Variants in SORCS1 observed in about 807,000 individuals in gnomAD.
The protein encoded by SORCS1 is sortilin related VPS10 domain containing receptor 1.
In SORCS1, 60 loss-of-function variants were observed where a neutral mutation model predicts 146.1. The ratio of observed to expected loss-of-function variants is 0.41; its 90% CI spans 0.33 to 0.51. SORCS1 has a LOEUF of 0.51. Among genes scored for constraint, SORCS1 ranks in the 20% least tolerant of loss-of-function variants. SORCS1 has a pLI of 0.21. For synonymous variants in SORCS1, 637 were observed against 584.0 expected, an observed-to-expected ratio of 1.09 and a Z score of -1.31; for missense variants, 1,352 against 1,487.6, an observed-to-expected ratio of 0.91 and a Z score of 1.50.
chr10:107,080,543 G>A (rs117783145), intron 1 of SORCS1, among the ~76,000 whole-genome samples: 1 of 152,250 alleles, frequency 6.6e-6, no homozygotes, highest in East Asian at 1.9e-4. Context: ...TTATTGATAA[G>A]CTTTTCCACT....
At chr10:107,006,993 A>G (rs912372879) in intron 1 of SORCS1, among the ~76,000 whole-genome samples, 43 of 152,236 alleles carry the variant, frequency 2.8e-4, no homozygotes, top group African/African-American at 8.2e-4. Context: ...AATTTTTTCT[A>G]GGTTAAGTCA....
At chr10:106,986,282 TATAC>T (rs1476199184) in intron 1 of SORCS1, among the ~76,000 whole-genome samples, 1 of 152,066 alleles carries the variant, frequency 6.6e-6, no homozygotes, top group Non-Finnish European at 1.5e-5. Flanking sequence ...AGCAAATATA[TATAC>T]AAACACACGT....
At position 107,084,184 on chromosome 10, in the gene SORCS1, C is replaced by T. The variant is rs1156971891; in HGVS notation, c.558+79785G>A. On this transcript the variant is annotated intron_variant, in intron 1 of 25. Transcript: ENST00000263054. ...GATCTCGGCTCACTGCAAGCTCTGC[C>T]TCCTGGGTTCACGCCACTCTCCTGC... 1.2e-4 allele frequency among the ~76,000 whole-genome samples: 17 copies of T among 146,240 alleles called. No homozygotes were observed. In the South Asian group the frequency reaches 1.8e-3, roughly 15 times the overall value.
At chr10:106,732,342 A>C (rs3844061) in intron 5 of SORCS1, among the ~76,000 whole-genome samples, 68,288 of 151,922 alleles carry the variant, frequency 0.45, 15,514 homozygotes, top group African/African-American at 0.52. Context: ...ATTTCAGTTA[A>C]GTACTGCAGC....
At chr10:106,962,421 A>T (rs1328584352) in intron 1 of SORCS1, among the ~76,000 whole-genome samples, 1 of 149,704 alleles carries the variant, frequency 6.7e-6, no homozygotes, top group African/African-American at 2.5e-5. Flanking sequence ...AAAAAGAAAG[A>T]AAAGAAAAGA....
intron 1 of SORCS1, among the ~76,000 whole-genome samples, chr10:107,085,840 G>A (rs953330621): frequency 2.0e-5 from 3 of 152,142 alleles, no homozygotes; most frequent in Admixed American, 6.5e-5. Context: ...GTATTACGCC[G>A]AGGCAACTGC....
the SORCS1 span, among the ~76,000 whole-genome samples, chr10:107,177,398 T>A: frequency 4.6e-5 from 7 of 152,204 alleles, no homozygotes; most frequent in Non-Finnish European, 8.8e-5. Flanking sequence ...AATCAGGATA[T>A]TGATATTATG....
intron 6 of SORCS1, among the ~76,000 whole-genome samples, chr10:106,718,935 ACAGAGTGCTGATTG>A: frequency 6.6e-6 from 1 of 152,316 alleles, no homozygotes; most frequent in African/African-American, 2.4e-5. Flanking sequence ...GTGCGTTTTT[ACAGAGTGCTGATTG>A]GTGCGTTTAC....
At chr10:107,160,476 T>C (rs867845119) in intron 1 of SORCS1, among the ~76,000 whole-genome samples, 4 of 152,220 alleles carry the variant, frequency 2.6e-5, no homozygotes, top group Non-Finnish European at 5.9e-5. Flanking sequence ...TTGGCCCAGA[T>C]TGGGACTCAA....
At chr10:107,013,048 G>A (rs905217098) in intron 1 of SORCS1, among the ~76,000 whole-genome samples, 15 of 152,094 alleles carry the variant, frequency 9.9e-5, no homozygotes, top group Non-Finnish European at 1.5e-4. Context: ...GTTCCTTAAG[G>A]TCGAGGAAAC....
chr10:107,007,955 C>G (rs1957526481), intron 1 of SORCS1, among the ~76,000 whole-genome samples: 1 of 152,126 alleles, frequency 6.6e-6, no homozygotes, highest in South Asian at 2.1e-4. Flanking sequence ...ATCTAAATTT[C>G]AGCTCCTCCC....
At chr10:107,057,995 G>C (rs1387086537) in intron 1 of SORCS1, among the ~76,000 whole-genome samples, 1 of 152,010 alleles carries the variant, frequency 6.6e-6, no homozygotes, top group Non-Finnish European at 1.5e-5. Context: ...TACTGGCCTT[G>C]TTTTAAAGAT....
At chr10:107,001,966 C>G (rs1957241264) in intron 1 of SORCS1, among the ~76,000 whole-genome samples, 1 of 152,072 alleles carries the variant, frequency 6.6e-6, no homozygotes, top group Non-Finnish European at 1.5e-5. Context: ...TTTTCCTTTC[C>G]TTTGGGTTCT....
intron 5 of SORCS1, among the ~76,000 whole-genome samples, chr10:106,740,974 G>A (rs9325521): frequency 0.22 from 32,960 of 152,160 alleles, 4,436 homozygotes; most frequent in East Asian, 0.47. Flanking sequence ...TAATAGTACC[G>A]AATAATACGA....
intron 1 of SORCS1, among the ~76,000 whole-genome samples, chr10:106,957,204 G>C (rs1410580830): frequency 7.1e-6 from 1 of 140,616 alleles, no homozygotes; most frequent in South Asian, 2.3e-4. Context: ...AGTTTCGCTC[G>C]CTCGTGTTGC....
intron 1 of SORCS1, among the ~76,000 whole-genome samples, chr10:107,090,951 C>A (rs938865294): frequency 6.6e-6 from 1 of 152,034 alleles, no homozygotes; most frequent in Non-Finnish European, 1.5e-5. Context: ...CACGTACACA[C>A]ACAATTGGTG....
chr10:107,163,349 C>A (rs1399447849), intron 1 of SORCS1, among the ~76,000 whole-genome samples: 1 of 152,172 alleles, frequency 6.6e-6, no homozygotes, highest in Non-Finnish European at 1.5e-5. Context: ...TCTCAAAACA[C>A]CCTCGCTTAG....
intron 1 of SORCS1, among the ~76,000 whole-genome samples, chr10:107,014,695 C>G (rs1434786586): frequency 6.6e-6 from 1 of 152,178 alleles, no homozygotes; most frequent in Non-Finnish European, 1.5e-5. Flanking sequence ...ACCCAGCAGT[C>G]TGTGTTTTAA....
At chr10:106,869,305 A>G (rs1950324910) in intron 2 of SORCS1, among the ~76,000 whole-genome samples, 1 of 152,246 alleles carries the variant, frequency 6.6e-6, no homozygotes, top group Non-Finnish European at 1.5e-5. Flanking sequence ...ATCTCCAGAA[A>G]ACTGAAGAGA....
Sources: allele counts gnomAD v4.1 joint callset (sites outside exome capture counted in the v4.1 genomes callset), GRCh38; gene constraint gnomAD v4.1.1; transcripts MANE v1.5; gene names NCBI Gene and HGNC (gene_info 2026-07-23, HGNC 2026-07-21).